COL25A1: variants seen among roughly 807,000 people sequenced by gnomAD.
COL25A1 encodes collagen type XXV alpha 1 chain.
A neutral mutation model predicts 128.4 loss-of-function variants in COL25A1; 103 were observed. The ratio of observed to expected loss-of-function variants is 0.80; its 90% CI spans 0.68 to 0.94. The LOEUF (loss-of-function observed/expected upper bound fraction) is 0.94. Ranked by LOEUF, COL25A1 falls within the 40% of genes least tolerant of loss-of-function variation. The probability of loss-of-function intolerance (pLI) is 0.00; values close to 1 mark genes in which losing one functional copy is unlikely to be tolerated. For synonymous variants in COL25A1, 279 were observed against 277.2 expected (o/e 1.01, Z -0.06); for missense variants, 745 against 840.0 (o/e 0.89, Z 1.40).
chr4:109,001,723 A>G (rs1209909300), intron 6 of COL25A1, among the ~76,000 whole-genome samples: 1 of 152,188 alleles, frequency 6.6e-6, no homozygotes, highest in Non-Finnish European at 1.5e-5. Flanking sequence ...GCCTATTTAA[A>G]TGCCTCATGT....
intron 3 of COL25A1, among the ~76,000 whole-genome samples, chr4:109,081,266 C>CA (rs1166638056): frequency 6.6e-6 from 1 of 151,866 alleles, no homozygotes; most frequent in African/African-American, 2.4e-5. Flanking sequence ...TACCTCATAT[C>CA]AAAAAAAGTG....
intron 5 of COL25A1, among the ~76,000 whole-genome samples, chr4:109,029,094 G>T (rs1758595974): frequency 6.6e-6 from 1 of 152,158 alleles, no homozygotes; most frequent in Admixed American, 6.5e-5. Flanking sequence ...ATAAAGAAAT[G>T]GAACAGCATC....
intron 3 of COL25A1, among the ~76,000 whole-genome samples, chr4:109,112,099 AT>A (rs1767076593): frequency 6.6e-6 from 1 of 152,060 alleles, no homozygotes; most frequent in African/African-American, 2.4e-5. Context: ...TATTGAGGGA[AT>A]TAAAAAAAAC....
chr4:109,230,293 T>A (rs1261758110), intron 3 of COL25A1, among the ~76,000 whole-genome samples: 1 of 152,198 alleles, frequency 6.6e-6, no homozygotes, highest in African/African-American at 2.4e-5. Flanking sequence ...TCATGGTCAA[T>A]AAAGTCATAC....
intron 3 of COL25A1, among the ~76,000 whole-genome samples, chr4:109,146,846 C>T (rs896295030): frequency 2.6e-5 from 4 of 152,200 alleles, no homozygotes; most frequent in African/African-American, 9.7e-5. Flanking sequence ...TGGATAACTA[C>T]TGGGCTTAAG....
intron 5 of COL25A1, among the ~76,000 whole-genome samples, chr4:109,046,419 A>G (rs572858930): frequency 1.3e-5 from 2 of 152,332 alleles, no homozygotes; most frequent in South Asian, 4.1e-4. Context: ...TGAAGAATTC[A>G]TAAGGCAGAA....
intron 8 of COL25A1, among the ~76,000 whole-genome samples, chr4:108,967,650 G>A (rs147303689): frequency 5.3e-4 from 81 of 152,162 alleles, no homozygotes; most frequent in Non-Finnish European, 1.0e-3. Context: ...CACTTTTCCC[G>A]TTTTCCTCCC....
chr4:109,141,082 G>C (rs1471244941), intron 3 of COL25A1, among the ~76,000 whole-genome samples: 1 of 152,116 alleles, frequency 6.6e-6, no homozygotes. Context: ...CTCATAAATA[G>C]CTCTAATTAT....
intron 5 of COL25A1, among the ~76,000 whole-genome samples, chr4:109,047,728 CTTTTTT>C (rs59105153): frequency 1.4e-4 from 19 of 132,184 alleles, no homozygotes; most frequent in South Asian, 2.3e-4. Flanking sequence ...TAAGTATACT[CTTTTTT>C]TTTTTTTTTT....
At chr4:108,919,642 G>A (rs1052170301) in intron 12 of COL25A1, among the ~76,000 whole-genome samples, 6 of 152,034 alleles carry the variant, frequency 3.9e-5, no homozygotes, top group Non-Finnish European at 8.8e-5. Context: ...TAAGGATGGG[G>A]GAATGAGGAC....
intron 31 of COL25A1, among the ~76,000 whole-genome samples, chr4:108,838,398 T>A (rs1734052601): frequency 6.6e-6 from 1 of 152,202 alleles, no homozygotes; most frequent in Non-Finnish European, 1.5e-5. Context: ...CAAGAAAGTA[T>A]GCTCCTTACA....
At chr4:109,112,309 A>G (rs2126040199) in intron 3 of COL25A1, among the ~76,000 whole-genome samples, 1 of 152,280 alleles carries the variant, frequency 6.6e-6, no homozygotes, top group East Asian at 1.9e-4. Context: ...AAGTAGATGG[A>G]ATGAAAGACA....
chr4:108,898,983 CTATATATCTA>C (rs1742487604), intron 15 of COL25A1, among the ~76,000 whole-genome samples, 161 bp downstream of exon 15: 1 of 106,690 alleles, frequency 9.4e-6, no homozygotes, highest in African/African-American at 3.5e-5. Context: ...ATATCTATAT[CTATATATCTA>C]TATATCTATA....
At chr4:108,830,456 T>A (rs1366514579) in intron 32 of COL25A1, among the ~76,000 whole-genome samples, 4 of 152,224 alleles carry the variant, frequency 2.6e-5, no homozygotes, top group African/African-American at 9.6e-5. Context: ...GATTCTGACT[T>A]CTTTAAAATT....
intron 3 of COL25A1, among the ~76,000 whole-genome samples, chr4:109,145,515 C>T (rs1370143081): frequency 1.3e-5 from 2 of 152,136 alleles, no homozygotes; most frequent in Non-Finnish European, 2.9e-5. Flanking sequence ...TTGACAAGGT[C>T]AAATACTAAA....
chr4:108,984,964 A>G (rs990730757), intron 6 of COL25A1, among the ~76,000 whole-genome samples: 21 of 152,354 alleles, frequency 1.4e-4, no homozygotes, highest in African/African-American at 4.8e-4. Flanking sequence ...AGCACAACAC[A>G]GGATAAGGGT....
At position 109,301,934 on chromosome 4, in the gene COL25A1, C is replaced by G; in HGVS notation, c.86G>C (p.Arg29Pro). Residue 29 changes from arginine to proline, a missense_variant, in exon 2 of 38, where the codon CGG becomes CCG. Arg to Pro is a moderately radical substitution (Grantham distance 103). Transcript: ENST00000399132. ...DPTPAEQHCA[R>P]TMPPCAVLAA... ...CAGGACGGCACACGGGGGCATGGTCCGGGCACAATGCTGTTCGGCAGGGGT... is the reference window on the plus strand; with the variant it reads ...CAGGACGGCACACGGGGGCATGGTCGGGGCACAATGCTGTTCGGCAGGGGT... 1 of 1,613,906 alleles carries G rather than the reference C, an allele frequency of 6.2e-7. No individual in the cohort carries two copies. Among genetic ancestry groups the G allele is most frequent in the Non-Finnish European group, 8.5e-7 (1 of 1,180,020 alleles).
At chr4:109,274,346 G>C (rs754567111) in intron 3 of COL25A1, among the ~76,000 whole-genome samples, 1 of 152,048 alleles carries the variant, frequency 6.6e-6, no homozygotes, top group Non-Finnish European at 1.5e-5. Flanking sequence ...CAGATGAAAA[G>C]AAAAACATAT....
chr4:109,247,145 C>G (rs1780321172), intron 3 of COL25A1, among the ~76,000 whole-genome samples: 1 of 152,082 alleles, frequency 6.6e-6, no homozygotes, highest in Admixed American at 6.5e-5. Context: ...GGGTGGATCA[C>G]CTGAGGTCAG....
Sources: allele counts gnomAD v4.1 joint callset (sites outside exome capture counted in the v4.1 genomes callset), GRCh38; gene constraint gnomAD v4.1.1; transcripts MANE v1.5; gene names NCBI Gene and HGNC (gene_info 2026-07-23, HGNC 2026-07-21).